Variants in PARD3B observed in about 807,000 individuals in gnomAD.
PARD3B encodes the protein partitioning defective 3 homolog B.
A neutral mutation model predicts 130.2 loss-of-function variants in PARD3B; 103 were observed. The ratio of observed to expected loss-of-function variants is 0.79; its 90% confidence interval spans 0.67 to 0.93. The LOEUF (loss-of-function observed/expected upper bound fraction) is 0.93. Among genes scored for constraint, PARD3B ranks in the 40% least tolerant of loss-of-function variants. The pLI is 0.00. For synonymous variants in PARD3B, 583 were observed against 553.2 expected (o/e 1.05, Z -0.76); for missense variants, 1,609 against 1,499.2 (o/e 1.07, Z -1.21).
chr2:205,118,938 TC>T lies in PARD3B; in HGVS notation c.700del (p.Arg234GlufsTer22), dbSNP rs766108862. On this transcript the variant is annotated frameshift_variant, in exon 7 of 23. Coordinates refer to ENST00000406610, the MANE Select transcript of PARD3B (RefSeq NM_001302769.2). LOFTEE classifies it high-confidence loss of function. ...GCATTTAGGATTCTAGGACTCTTCATCCGAGGCATTGAAGACAACAGCAGGT... is the reference window on the plus strand; with the variant it reads ...GCATTTAGGATTCTAGGACTCTTCATCGAGGCATTGAAGACAACAGCAGGT... ...SLSGRILGLF[I>X]RGIEDNSRSK... 3.1e-6 allele frequency: 5 copies of T among 1,604,098 alleles called. No homozygotes were observed. In the Admixed American group the frequency reaches 6.9e-5, roughly 22 times the overall value.
At chr2:205,076,593 A>G (rs1403441686) in intron 4 of PARD3B, among the ~76,000 whole-genome samples, 2 of 152,274 alleles carry the variant, frequency 1.3e-5, no homozygotes, top group East Asian at 3.9e-4. Context: ...AGCAGGAGGT[A>G]AGCAGTAGGC....
intron 1 of PARD3B, among the ~76,000 whole-genome samples, chr2:204,670,473 A>G (rs766835348): frequency 6.6e-6 from 1 of 152,142 alleles, no homozygotes; most frequent in Admixed American, 6.5e-5. Flanking sequence ...TCTAAACCCC[A>G]CAGGTTTTTT....
In PARD3B at chr2:204,687,045, T is replaced by G. The variant is rs557129179; in HGVS notation, c.222+763T>G. Among the ~76,000 whole-genome samples the G allele has an allele frequency of 4.7e-4, 71 of 152,264 alleles. 1 individual carries two copies. The highest frequency in any genetic ancestry group is 1.7e-3 in the African/African-American group (71 of 41,566). ...TTCAAAGTTTCTTCTATTATACATC[T>G]TTAGTGCTGTTTGTACAAGGCTAAT... On this transcript the variant is annotated intron_variant, in intron 2 of 22. Coordinates refer to ENST00000406610, the MANE Select transcript of PARD3B (RefSeq NM_001302769.2).
At chr2:204,564,939 T>C (rs1246910011) in intron 1 of PARD3B, among the ~76,000 whole-genome samples, 1 of 152,256 alleles carries the variant, frequency 6.6e-6, no homozygotes, top group Admixed American at 6.5e-5. Context: ...TTCTATGGGT[T>C]AGCAGTCTGC....
intron 1 of PARD3B, among the ~76,000 whole-genome samples, chr2:204,620,439 C>G (rs2034259130): frequency 6.6e-6 from 1 of 152,214 alleles, no homozygotes; most frequent in Non-Finnish European, 1.5e-5. Flanking sequence ...CATACTTCAT[C>G]TCTGTTATGA....
chr2:205,337,491 T>C (rs989367057), intron 18 of PARD3B, among the ~76,000 whole-genome samples: 2 of 152,176 alleles, frequency 1.3e-5, no homozygotes, highest in African/African-American at 4.8e-5. Context: ...ATTTATTAGA[T>C]AGAGTGTTGT....
At chr2:204,789,645 T>A (rs1290150271) in intron 2 of PARD3B, among the ~76,000 whole-genome samples, 1 of 152,200 alleles carries the variant, frequency 6.6e-6, no homozygotes, top group Admixed American at 6.5e-5. Context: ...TTTTTTAAGA[T>A]GAAAATTAAA....
At chr2:204,688,296 C>T (rs530224827) in intron 2 of PARD3B, among the ~76,000 whole-genome samples, 17 of 152,062 alleles carry the variant, frequency 1.1e-4, no homozygotes, top group South Asian at 8.3e-4. Context: ...TTAAAAAATA[C>T]GTAAGTGGCA....
intron 2 of PARD3B, among the ~76,000 whole-genome samples, chr2:204,883,414 T>TA: frequency 8.6e-6 from 1 of 116,890 alleles, no homozygotes; most frequent in African/African-American, 3.5e-5. Flanking sequence ...ATTATATATA[T>TA]ATAATATATA....
intron 2 of PARD3B, among the ~76,000 whole-genome samples, chr2:204,829,806 T>C (rs1422334079): frequency 6.6e-6 from 1 of 152,094 alleles, no homozygotes; most frequent in East Asian, 1.9e-4. Context: ...AAGACCATCC[T>C]GGCTAACACG....
At chr2:204,682,801 A>G (rs2036900740) in intron 1 of PARD3B, among the ~76,000 whole-genome samples, 2 of 152,188 alleles carry the variant, frequency 1.3e-5, no homozygotes, top group African/African-American at 2.4e-5. Flanking sequence ...AGTTCATGGT[A>G]GTCACAGCAT....
At chr2:205,025,307 GC>G (rs1316048684) in intron 3 of PARD3B, among the ~76,000 whole-genome samples, 10 of 152,170 alleles carry the variant, frequency 6.6e-5, no homozygotes, top group Non-Finnish European at 1.5e-4. Flanking sequence ...AGATGGGCTT[GC>G]TGTGGCTGTG....
intron 1 of PARD3B, among the ~76,000 whole-genome samples, chr2:204,573,686 C>T (rs982553750): frequency 2.0e-5 from 3 of 152,142 alleles, no homozygotes; most frequent in East Asian, 1.9e-4. Flanking sequence ...AGAGTGTCCC[C>T]GATGCCCTTG....
intron 1 of PARD3B, among the ~76,000 whole-genome samples, chr2:204,586,656 T>C (rs1419994182): frequency 6.6e-6 from 1 of 152,110 alleles, no homozygotes; most frequent in Non-Finnish European, 1.5e-5. Context: ...CTCGAATTTA[T>C]GACTTCCATA....
chr2:204,757,234 T>G (rs1316874065), intron 2 of PARD3B, among the ~76,000 whole-genome samples: 1 of 152,216 alleles, frequency 6.6e-6, no homozygotes, highest in African/African-American at 2.4e-5. Context: ...TGAATGCAAG[T>G]GTCTTGTTGG....
chr2:205,102,832 A>G (rs996105169), intron 4 of PARD3B, among the ~76,000 whole-genome samples: 2 of 152,068 alleles, frequency 1.3e-5, no homozygotes, highest in African/African-American at 4.8e-5. Context: ...TGGGAGGCCA[A>G]GACGACCAGA....
intron 15 of PARD3B, among the ~76,000 whole-genome samples, chr2:205,194,618 A>T (rs944157534): frequency 1.3e-5 from 2 of 152,298 alleles, no homozygotes; most frequent in East Asian, 3.9e-4. Flanking sequence ...GGAGAGAAAT[A>T]TATTTGTTTT....
intron 18 of PARD3B, among the ~76,000 whole-genome samples, chr2:205,302,768 G>C (rs2042057330): frequency 6.6e-6 from 1 of 152,074 alleles, no homozygotes; most frequent in Admixed American, 6.6e-5. Context: ...CTGGGTCTGG[G>C]CTCTGATGCC....
In PARD3B at chr2:205,518,557, G is replaced by A. The variant is rs183836868; in HGVS notation, c.3180+18526G>A. On this transcript the variant is annotated intron_variant, in intron 21 of 22. Coordinates refer to ENST00000406610, the MANE Select transcript of PARD3B (RefSeq NM_001302769.2). Reference sequence around the variant, plus strand: ...AGCTTACCATTCTGTGCCTTTTTAAGTGAGGCATTTAGCCTGTTTACATTC... The same window carrying A: ...AGCTTACCATTCTGTGCCTTTTTAAATGAGGCATTTAGCCTGTTTACATTC... 2.6e-5 allele frequency among the ~76,000 whole-genome samples: 4 copies of A among 152,188 alleles called. No homozygotes were observed. The East Asian group carries it at 5.8e-4, about 22-fold the overall frequency.
Sources: gnomAD v4.1 joint callset for allele counts (sites outside exome capture counted in the v4.1 genomes callset) on GRCh38, gnomAD v4.1.1 for gene constraint, MANE v1.5 for transcripts, NCBI Gene and HGNC (gene_info 2026-07-23, HGNC 2026-07-21) for gene names.